KLHL6: variants seen among roughly 807,000 people sequenced by gnomAD.
KLHL6 encodes the protein kelch like family member 6.
Under a neutral mutation model 58.6 loss-of-function variants are expected in KLHL6, and 41 were observed. The observed-to-expected ratio is 0.70, with a 90% CI of 0.55 to 0.91. KLHL6 has a LOEUF of 0.91. Among genes scored for constraint, KLHL6 ranks in the 40% least tolerant of loss-of-function variants. The pLI is 0.00. For missense variants in KLHL6, 714 were observed against 805.6 expected, an observed-to-expected ratio of 0.89 and a Z score of 1.38; for synonymous variants, 338 against 322.7, an observed-to-expected ratio of 1.05 and a Z score of -0.51.
At chr3:183,515,750 T>C (rs1052657137) in intron 2 of KLHL6, among the ~76,000 whole-genome samples, 4 of 152,128 alleles carry the variant, frequency 2.6e-5, no homozygotes, top group Non-Finnish European at 5.9e-5. Flanking sequence ...GAGACAAGCA[T>C]CTCAAAGCAG....
intron 1 of KLHL6, among the ~76,000 whole-genome samples, chr3:183,532,715 A>G (rs372839123): frequency 6.6e-6 from 1 of 152,350 alleles, no homozygotes; most frequent in South Asian, 2.1e-4. Flanking sequence ...CTCAGGGGAC[A>G]GGAGAGGGAT....
chr3:183,544,359 A>G (rs762441204), intron 1 of KLHL6, among the ~76,000 whole-genome samples: 16 of 152,160 alleles, frequency 1.1e-4, no homozygotes, highest in Non-Finnish European at 1.5e-4. Context: ...TGGCCTCACC[A>G]AAAGCATTTA....
chr3:183,498,454 G>T lies in KLHL6; in HGVS notation c.1147+1136C>A, dbSNP rs1717774674. Among the ~76,000 whole-genome samples the T allele has an allele frequency of 2.0e-5, 3 of 152,134 alleles. No homozygotes were observed. The South Asian group carries it at 6.2e-4, about 31-fold the overall frequency. On this transcript the variant is annotated intron_variant, in intron 4 of 6. Transcript: ENST00000341319. ...CTTAGGGTCCCAGGGAGAGCCAGGT[G>T]GCTTTTGATGTGATGGGGAAGAGTG...
chr3:183,512,508 T>G (rs1245776514), intron 2 of KLHL6, among the ~76,000 whole-genome samples: 1 of 152,060 alleles, frequency 6.6e-6, no homozygotes, highest in Non-Finnish European at 1.5e-5. Context: ...TTTTTTTTTT[T>G]GAGACAGAGT....
At chr3:183,497,101 GC>G (rs1348513729) in intron 4 of KLHL6, among the ~76,000 whole-genome samples, 1 of 151,876 alleles carries the variant, frequency 6.6e-6, no homozygotes, top group African/African-American at 2.4e-5. Flanking sequence ...AATATGGTGA[GC>G]CCCCCACCTA....
At chr3:183,539,735 C>G (rs548131757) in intron 1 of KLHL6, among the ~76,000 whole-genome samples, 16 of 151,120 alleles carry the variant, frequency 1.1e-4, no homozygotes, top group Non-Finnish European at 1.9e-4. Flanking sequence ...AAAACAACTC[C>G]CTTCTGCCAA....
intron 3 of KLHL6, among the ~76,000 whole-genome samples, chr3:183,504,272 A>G (rs183888749): frequency 1.3e-5 from 2 of 152,328 alleles, no homozygotes; most frequent in Admixed American, 6.5e-5. Context: ...CAGTTCTATC[A>G]GTTGGTAGGT....
intron 2 of KLHL6, among the ~76,000 whole-genome samples, chr3:183,525,267 A>AC (rs1553811023): frequency 8.0e-5 from 10 of 125,730 alleles, no homozygotes; most frequent in Admixed American, 3.1e-4. Flanking sequence ...CTCTAAAAAA[A>AC]AAACACACAC....
chr3:183,527,330 A>G (rs1232728800), intron 2 of KLHL6, among the ~76,000 whole-genome samples: 1 of 152,262 alleles, frequency 6.6e-6, no homozygotes, highest in Non-Finnish European at 1.5e-5. Context: ...TCAAGTGACT[A>G]GCAGGAAAAT....
intron 1 of KLHL6, among the ~76,000 whole-genome samples, chr3:183,548,366 T>G (rs1712796490): frequency 6.6e-6 from 1 of 152,204 alleles, no homozygotes; most frequent in Non-Finnish European, 1.5e-5. Flanking sequence ...CAGGCTTTTC[T>G]CTGCCCTGTC....
At chr3:183,531,565 G>A (rs911650090) in intron 1 of KLHL6, among the ~76,000 whole-genome samples, 2 of 145,914 alleles carry the variant, frequency 1.4e-5, no homozygotes, top group African/African-American at 5.1e-5. Flanking sequence ...TTCTCCTCCA[G>A]CCTCCCAAGT....
intron 2 of KLHL6, among the ~76,000 whole-genome samples, chr3:183,523,913 C>T (rs1418517396): frequency 1.3e-5 from 2 of 152,086 alleles, no homozygotes; most frequent in African/African-American, 4.8e-5. Flanking sequence ...GCGCCCACCA[C>T]CACACCTGGC....
At chr3:183,495,603 C>A (rs1013711348) in intron 4 of KLHL6, among the ~76,000 whole-genome samples, 6 of 149,736 alleles carry the variant, frequency 4.0e-5, no homozygotes, top group African/African-American at 1.5e-4. Flanking sequence ...CCTGAGAAAG[C>A]ATATTGTGTG....
chr3:183,527,463 A>G (rs1248709613), intron 2 of KLHL6, among the ~76,000 whole-genome samples: 2 of 152,174 alleles, frequency 1.3e-5, no homozygotes, highest in East Asian at 3.8e-4. Flanking sequence ...ACCACCCTCG[A>G]TGAAACCAGG....
At chr3:183,534,132 G>GTACTTTAAAAGTACTT (rs748791340) in intron 1 of KLHL6, among the ~76,000 whole-genome samples, 3 of 16,060 alleles carry the variant, frequency 1.9e-4, no homozygotes, top group African/African-American at 2.4e-4. Flanking sequence ...AAAGTACTTT[G>GTACTTTAAAAGTACTT]TACTTTTAAA....
Position 183,542,378 on chromosome 3 carries a change from T to C in KLHL6, c.293+12983A>G, listed in dbSNP as rs975997169. ...TGACCATGCCTGTCTCTCAGCCTTA[T>C]TGGCCTGTGCATGTCCTTTATTTCA... is the stretch of plus-strand genomic sequence containing the variant. On this transcript the variant is annotated intron_variant, in intron 1 of 6. Coordinates refer to ENST00000341319, the MANE Select transcript of KLHL6 (RefSeq NM_130446.4). Among the ~76,000 whole-genome samples, 5 of 152,224 alleles carry C rather than the reference T, an allele frequency of 3.3e-5. No homozygotes were observed. In the East Asian group the frequency reaches 7.7e-4, roughly 23 times the overall value.
chr3:183,494,776 T>C (rs1717670465), intron 4 of KLHL6, among the ~76,000 whole-genome samples: 1 of 152,206 alleles, frequency 6.6e-6, no homozygotes, highest in Non-Finnish European at 1.5e-5. Flanking sequence ...CACTAAGAAA[T>C]CCTACAACAT....
At chr3:183,511,320 C>T (rs1453768369) in intron 2 of KLHL6, among the ~76,000 whole-genome samples, 1 of 152,218 alleles carries the variant, frequency 6.6e-6, no homozygotes, top group East Asian at 1.9e-4. Flanking sequence ...GCATTGCTGC[C>T]AACATGTCTC....
At chr3:183,493,995 C>T in intron 5 of KLHL6, 84 bp downstream of exon 5, 2 of 1,271,304 alleles carry the variant, frequency 1.6e-6, no homozygotes, top group Non-Finnish European at 2.3e-6. Flanking sequence ...AAGCTGACCA[C>T]CACGGCAGGC....
Sources: gnomAD v4.1 joint callset for allele counts (sites outside exome capture counted in the v4.1 genomes callset) on GRCh38, gnomAD v4.1.1 for gene constraint, MANE v1.5 for transcripts, NCBI Gene and HGNC (gene_info 2026-07-23, HGNC 2026-07-21) for gene names.